The following DPF3 variants were observed in gnomAD, a reference collection of about 807,000 sequenced individuals.
DPF3 encodes the protein zinc finger protein DPF3.
DPF3 carries 18 observed loss-of-function variants against 56.8 expected under a neutral mutation model. That is an observed-to-expected ratio of 0.32 (90% CI 0.22 to 0.47). The LOEUF (loss-of-function observed/expected upper bound fraction) is 0.47. DPF3 is among the 20% of genes least tolerant of loss of function. The probability of loss-of-function intolerance (pLI) is 1.00; values close to 1 mark genes in which losing one functional copy is unlikely to be tolerated. For missense variants in DPF3, 403 were observed against 488.8 expected, an observed-to-expected ratio of 0.82 and a Z score of 1.65; for synonymous variants, 188 against 180.2, an observed-to-expected ratio of 1.04 and a Z score of -0.35.
intron 2 of DPF3, among the ~76,000 whole-genome samples, chr14:72,770,739 T>C (rs1891489047): frequency 6.6e-6 from 1 of 152,206 alleles, no homozygotes; most frequent in Admixed American, 6.5e-5. Flanking sequence ...GTGAAATTTT[T>C]CCAAATGAAA....
chr14:72,883,923 T>C (rs1224492504), intron 1 of DPF3, among the ~76,000 whole-genome samples: 3 of 78,300 alleles, frequency 3.8e-5, no homozygotes, highest in African/African-American at 1.0e-4. Flanking sequence ...TGAGACTCTG[T>C]CTCAAAAAAA....
intron 3 of DPF3, among the ~76,000 whole-genome samples, chr14:72,735,276 C>G (rs560759623): frequency 2.4e-4 from 37 of 152,330 alleles, no homozygotes; most frequent in Non-Finnish European, 5.1e-4. Flanking sequence ...TTGGGTTCTG[C>G]TCTATACGAT....
At chr14:72,680,483 C>A (rs1011322335) in intron 7 of DPF3, among the ~76,000 whole-genome samples, 6 of 152,368 alleles carry the variant, frequency 3.9e-5, no homozygotes, top group African/African-American at 1.2e-4. Flanking sequence ...ACAGGACCCT[C>A]CAATCGTCAG....
intron 8 of DPF3, among the ~76,000 whole-genome samples, chr14:72,635,421 A>C (rs1289639576): frequency 6.6e-6 from 1 of 152,214 alleles, no homozygotes; most frequent in African/African-American, 2.4e-5. Context: ...AGATGCTGAA[A>C]ATGTTCAAGG....
chr14:72,699,954 G>C (rs1257910956), intron 6 of DPF3, among the ~76,000 whole-genome samples: 1 of 152,204 alleles, frequency 6.6e-6, no homozygotes, highest in Non-Finnish European at 1.5e-5. Context: ...AGGAAAGAGG[G>C]AGGTTGGTGG....
At chr14:72,667,856 A>T (rs892851298) in intron 8 of DPF3, among the ~76,000 whole-genome samples, 2 of 152,204 alleles carry the variant, frequency 1.3e-5, no homozygotes, top group African/African-American at 4.8e-5. Flanking sequence ...GCATGCATAT[A>T]TATTCCTTAA....
chr14:72,620,108 C>G, intron 9 of DPF3, 124 bp from the exon 10 acceptor site: 1 of 951,508 alleles, frequency 1.1e-6, no homozygotes, highest in Non-Finnish European at 1.5e-6. Context: ...TTCCAGGCCC[C>G]ACTTGGAGTC....
intron 1 of DPF3, among the ~76,000 whole-genome samples, chr14:72,782,223 A>T (rs1010602552): frequency 1.1e-5 from 1 of 87,712 alleles, no homozygotes; most frequent in Non-Finnish European, 2.2e-5. Context: ...CAGCAGCCCA[A>T]GTGATTTTTT....
intron 9 of DPF3, among the ~76,000 whole-genome samples, chr14:72,623,309 T>C (rs1194508963): frequency 6.6e-6 from 1 of 152,134 alleles, no homozygotes; most frequent in Non-Finnish European, 1.5e-5. Flanking sequence ...TAAATAGCAA[T>C]ATGTCCCTAA....
At chr14:72,735,950 A>G (rs1238579042) in intron 3 of DPF3, among the ~76,000 whole-genome samples, 1 of 152,242 alleles carries the variant, frequency 6.6e-6, no homozygotes, top group African/African-American at 2.4e-5. Context: ...TTCAAAACTT[A>G]GATTCAAAAT....
At chr14:72,626,897 T>A (rs1165780264) in intron 9 of DPF3, among the ~76,000 whole-genome samples, 4 of 152,018 alleles carry the variant, frequency 2.6e-5, no homozygotes, top group Non-Finnish European at 5.9e-5. Context: ...ATATCTCAGC[T>A]TTGAGTTTCT....
At chr14:72,796,317 C>T (rs1892644552) in intron 1 of DPF3, among the ~76,000 whole-genome samples, 1 of 152,140 alleles carries the variant, frequency 6.6e-6, no homozygotes, top group East Asian at 1.9e-4. Context: ...GCCTGGACAA[C>T]ATGGCAGAAC....
At chr14:72,679,075 G>A (rs1011021654) in intron 7 of DPF3, 4 of 152,192 alleles carry the variant, frequency 2.6e-5, no homozygotes, top group Admixed American at 1.3e-4. Flanking sequence ...ATCAGTGCTC[G>A]CTACAGGATT....
chr14:72,859,744 C>G (rs185227118), intron 1 of DPF3, among the ~76,000 whole-genome samples: 2 of 152,182 alleles, frequency 1.3e-5, no homozygotes, highest in Non-Finnish European at 2.9e-5. Flanking sequence ...GTGAACAAGA[C>G]CAAATTGCTA....
At chr14:72,655,010 T>C (rs1025346296) in intron 8 of DPF3, among the ~76,000 whole-genome samples, 1 of 152,134 alleles carries the variant, frequency 6.6e-6, no homozygotes, top group Non-Finnish European at 1.5e-5. Flanking sequence ...CTCTCTGTAC[T>C]CATCACTCAG....
At chr14:72,664,588 C>G (rs1462545921) in intron 8 of DPF3, among the ~76,000 whole-genome samples, 1 of 151,856 alleles carries the variant, frequency 6.6e-6, no homozygotes, top group Non-Finnish European at 1.5e-5. Flanking sequence ...CTGACATCCC[C>G]CTTTTCTCTC....
intron 1 of DPF3, among the ~76,000 whole-genome samples, chr14:72,892,962 AGGAAGGAAGGAAGGAAGGAAGGAAGGAAG>A (rs1886818004): frequency 2.0e-4 from 11 of 53,984 alleles, no homozygotes; most frequent in African/African-American, 1.0e-3. Flanking sequence ...GAAGGAAGGA[AGGAAGGAAGGAAGGAAGGAAGGAAGGAAG>A]GAAGGAAGGA....
intron 1 of DPF3, among the ~76,000 whole-genome samples, chr14:72,824,221 G>A (rs1044809687): frequency 6.6e-6 from 1 of 152,178 alleles, no homozygotes; most frequent in Non-Finnish European, 1.5e-5. Flanking sequence ...CCCAGCCCCA[G>A]GGTCAGATGC....
intron 2 of DPF3, among the ~76,000 whole-genome samples, chr14:72,760,937 G>A (rs535023347): frequency 2.6e-5 from 4 of 152,086 alleles, no homozygotes; most frequent in South Asian, 2.1e-4. Flanking sequence ...GGCTATATTG[G>A]AATTAGACAA....
Sources: gnomAD v4.1 joint callset for allele counts (sites outside exome capture counted in the v4.1 genomes callset) on GRCh38, gnomAD v4.1.1 for gene constraint, MANE v1.5 for transcripts, NCBI Gene and HGNC (gene_info 2026-07-23, HGNC 2026-07-21) for gene names.